Variants in CNTLN observed in about 807,000 individuals in gnomAD.
CNTLN encodes centlein, also known as centlein, centrosomal protein.
Under a neutral mutation model 180.0 loss-of-function variants are expected in CNTLN, and 212 were observed. The observed-to-expected ratio is 1.18, with a 90% CI of 1.05 to 1.32. The LOEUF is 1.32. CNTLN is among the 40% of genes most tolerant of loss of function. The pLI is 0.00. For synonymous variants in CNTLN, 722 were observed against 563.1 expected (o/e 1.28, Z -3.99); for missense variants, 2,095 against 1,610.9 (o/e 1.30, Z -5.14).
intron 6 of CNTLN, 62 bp downstream of exon 6, chr9:17,273,928 C>A: frequency 1.6e-6 from 2 of 1,220,790 alleles, no homozygotes; most frequent in East Asian, 2.7e-5. Flanking sequence ...CAGAATGATA[C>A]CATTTATACT....
intron 10 of CNTLN, among the ~76,000 whole-genome samples, chr9:17,334,344 G>A (rs1820848535): frequency 2.0e-5 from 3 of 152,108 alleles, no homozygotes; most frequent in Non-Finnish European, 4.4e-5. Flanking sequence ...ACAGGCGCGA[G>A]CCGCTGCTCC....
At chr9:17,368,105 G>A (rs1823986551) in intron 13 of CNTLN, among the ~76,000 whole-genome samples, 1 of 150,932 alleles carries the variant, frequency 6.6e-6, no homozygotes, top group South Asian at 2.1e-4. Context: ...CTGGGCCAGA[G>A]GGAAACCCAT....
chr9:17,462,935 C>T lies in CNTLN; in HGVS notation c.3326C>T (p.Thr1109Ile). The change falls in exon 20 of 26, where the codon ACT becomes ATT. Residue 1109 changes from threonine to isoleucine, a missense_variant. Coordinates refer to ENST00000380647, the MANE Select transcript of CNTLN (RefSeq NM_017738.4). ...YKLKNATNEL[T>I]KQSSNVKTLK... ...ATCTAGAATGCTACTAATGAACTCACTAAACAGTCATCAAATGTGAAGACT... is the reference window on the plus strand; with the variant it reads ...ATCTAGAATGCTACTAATGAACTCATTAAACAGTCATCAAATGTGAAGACT... 6.4e-7 allele frequency: 1 copy of T among 1,572,602 alleles called. No homozygotes were observed.
intron 2 of CNTLN, among the ~76,000 whole-genome samples, chr9:17,188,913 C>T (rs1023922544): frequency 6.6e-6 from 1 of 151,526 alleles, no homozygotes; most frequent in African/African-American, 2.4e-5. Context: ...TGTGTTTCTA[C>T]TTCTTTGCAT....
At chr9:17,207,728 T>G (rs557536028) in intron 2 of CNTLN, among the ~76,000 whole-genome samples, 1 of 151,996 alleles carries the variant, frequency 6.6e-6, no homozygotes, top group Admixed American at 6.6e-5. Flanking sequence ...AATGAAGAAA[T>G]TGCCCACCTT....
Position 17,298,290 on chromosome 9 carries a change from A to G in CNTLN, c.1084A>G (p.Thr362Ala), listed in dbSNP as rs544117865. The G allele has an allele frequency of 6.2e-7, 1 of 1,613,708 alleles. No homozygotes were observed. The highest frequency in any genetic ancestry group is 1.1e-5 in the South Asian group (1 of 90,952). ...IQQLQVLNMDTQKVLRNQEDV... is the reference protein window; with the variant it reads ...IQQLQVLNMDAQKVLRNQEDV... ...GCAGCTTCAGGTTCTCAATATGGACACACAAAAAGTACTGAGAAATCAGGA... is the reference window on the plus strand; with the variant it reads ...GCAGCTTCAGGTTCTCAATATGGACGCACAAAAAGTACTGAGAAATCAGGA... The change falls in exon 7 of 26, where the codon ACA (threonine) becomes GCA (alanine). Residue 362 changes from threonine to alanine, a missense_variant. By Grantham distance (58) the Thr-to-Ala change is moderately conservative (BLOSUM62 0). Coordinates refer to ENST00000380647, the MANE Select transcript of CNTLN (RefSeq NM_017738.4).
chr9:17,160,679 A>G (rs1036982204), intron 2 of CNTLN, among the ~76,000 whole-genome samples: 1 of 152,218 alleles, frequency 6.6e-6, no homozygotes, highest in South Asian at 2.1e-4. Flanking sequence ...ACAAAGGAAG[A>G]TATAAGCCAC....
intron 8 of CNTLN, among the ~76,000 whole-genome samples, chr9:17,324,166 A>G (rs1820108807): frequency 6.6e-6 from 1 of 152,202 alleles, no homozygotes. Flanking sequence ...ATAAGTGTTT[A>G]TAAAACTTAG....
chr9:17,494,117 GGC>G (rs1434640141), intron 25 of CNTLN, among the ~76,000 whole-genome samples: 2 of 152,178 alleles, frequency 1.3e-5, no homozygotes, highest in Non-Finnish European at 2.9e-5. Flanking sequence ...AACCGTTTGA[GGC>G]CTGGGGAAAA....
intron 13 of CNTLN, among the ~76,000 whole-genome samples, chr9:17,369,124 G>T (rs553946111): frequency 2.6e-5 from 4 of 152,216 alleles, no homozygotes; most frequent in African/African-American, 9.6e-5. Flanking sequence ...AATCATGGGG[G>T]TGGTTTCTCC....
chr9:17,150,758 G>C (rs929412568), intron 2 of CNTLN, among the ~76,000 whole-genome samples: 4 of 152,102 alleles, frequency 2.6e-5, no homozygotes, highest in Admixed American at 6.6e-5. Context: ...CCATTTTCAC[G>C]ATATTGATTC....
At chr9:17,268,702 T>C (rs1349486632) in intron 5 of CNTLN, among the ~76,000 whole-genome samples, 1 of 152,108 alleles carries the variant, frequency 6.6e-6, no homozygotes, top group Non-Finnish European at 1.5e-5. Flanking sequence ...AGTTCCAGCT[T>C]CAGGGCTGCT....
rs575119772 is a variant in CNTLN at position 17,447,234 on chromosome 9, C to G, written c.3115-10290C>G. 2.3e-5 allele frequency: 5 copies of G among 214,964 alleles called. No homozygotes were observed. The East Asian group carries it at 5.6e-4, about 24-fold the overall frequency. The allele number at this position is 214,964 out of a possible 1,614,324, so 13.3% of individuals were successfully genotyped here. On this transcript the variant is annotated intron_variant, in intron 18 of 25. Coordinates refer to ENST00000380647, the MANE Select transcript of CNTLN (RefSeq NM_017738.4). ...CCCATAGGAAAGTAGTAATTAAGTTCCAACAGAGCCATGTTGCCAAGCCTA... is the reference window on the plus strand; with the variant it reads ...CCCATAGGAAAGTAGTAATTAAGTTGCAACAGAGCCATGTTGCCAAGCCTA...
chr9:17,238,499 G>A (rs984630357), intron 5 of CNTLN, among the ~76,000 whole-genome samples: 2 of 152,072 alleles, frequency 1.3e-5, no homozygotes, highest in South Asian at 2.1e-4. Context: ...CATTCAGAGA[G>A]GTTCTGTCTT....
chr9:17,147,368 T>C (rs1818526998), intron 2 of CNTLN, among the ~76,000 whole-genome samples: 2 of 152,090 alleles, frequency 1.3e-5, no homozygotes, highest in African/African-American at 4.8e-5. Flanking sequence ...CATGGATGAG[T>C]GGGAGGCTCA....
intron 5 of CNTLN, among the ~76,000 whole-genome samples, chr9:17,249,861 G>A (rs1362003673): frequency 2.7e-5 from 4 of 148,240 alleles, no homozygotes. Context: ...GCTGTTTTGG[G>A]ATAGAGTATT....
chr9:17,416,579 T>C (rs973057451), intron 18 of CNTLN, among the ~76,000 whole-genome samples: 3 of 152,196 alleles, frequency 2.0e-5, no homozygotes, highest in African/African-American at 7.2e-5. Flanking sequence ...GTTACATTAT[T>C]AAACTAATAT....
intron 15 of CNTLN, among the ~76,000 whole-genome samples, chr9:17,395,490 T>C (rs1211204928): frequency 6.6e-6 from 1 of 152,134 alleles, no homozygotes; most frequent in Admixed American, 6.6e-5. Flanking sequence ...GAAACAATTT[T>C]CCCCCTTAAT....
intron 10 of CNTLN, among the ~76,000 whole-genome samples, chr9:17,333,012 G>A (rs1399703144): frequency 6.6e-6 from 1 of 151,828 alleles, no homozygotes; most frequent in Non-Finnish European, 1.5e-5. Context: ...CTTTCCCAAA[G>A]GCAAAAAATA....
Sources: gnomAD v4.1 joint callset for allele counts (sites outside exome capture counted in the v4.1 genomes callset) on GRCh38, gnomAD v4.1.1 for gene constraint, MANE v1.5 for transcripts, NCBI Gene and HGNC (gene_info 2026-07-23, HGNC 2026-07-21) for gene names.